MANBA: variants seen among roughly 807,000 people sequenced by gnomAD.
MANBA encodes mannosidase beta, also known as beta-mannosidase.
MANBA carries 83 observed loss-of-function variants against 111.1 expected under a neutral mutation model. The ratio of observed to expected loss-of-function variants is 0.75; its 90% CI spans 0.63 to 0.90. The LOEUF (loss-of-function observed/expected upper bound fraction) is 0.90. Among genes scored for constraint, MANBA ranks in the 40% least tolerant of loss-of-function variants. MANBA has a pLI of 0.00. For missense variants in MANBA, 1,036 were observed against 1,069.0 expected (o/e 0.97, Z 0.43); for synonymous variants, 370 against 378.7 (o/e 0.98, Z 0.27).
At chr4:102,718,703 C>G (rs112438015) in intron 4 of MANBA, among the ~76,000 whole-genome samples, 2,236 of 152,256 alleles carry the variant, frequency 0.015, 26 homozygotes, top group African/African-American at 0.031. Context: ...AACCAGCCCC[C>G]AATATTTCAA....
At chr4:102,664,924 A>C in intron 10 of MANBA, 72 bp from the exon 11 acceptor site, 1 of 1,197,610 alleles carries the variant, frequency 8.3e-7, no homozygotes, top group Non-Finnish European at 1.2e-6. Context: ...AATTACTCAT[A>C]AAATTAAAGC....
At chr4:102,663,461 G>T (rs187605715) in intron 11 of MANBA, among the ~76,000 whole-genome samples, 2 of 152,094 alleles carry the variant, frequency 1.3e-5, no homozygotes, top group African/African-American at 2.4e-5. Flanking sequence ...TGAATAAAAA[G>T]ATTATAAAAT....
At chr4:102,730,645 G>C (rs946531153) in intron 1 of MANBA, 1 of 541,096 alleles carries the variant, frequency 1.8e-6, no homozygotes, top group African/African-American at 1.9e-5. Context: ...CTCCAGCTCA[G>C]TAGTCAGCTC....
chr4:102,755,093 C>T (rs985203714), intron 1 of MANBA, among the ~76,000 whole-genome samples: 2 of 152,170 alleles, frequency 1.3e-5, no homozygotes, highest in Non-Finnish European at 2.9e-5. Context: ...CTACCAATGA[C>T]TTTCTTCACA....
chr4:102,743,197 C>A (rs990935107), intron 1 of MANBA, among the ~76,000 whole-genome samples: 1 of 152,234 alleles, frequency 6.6e-6, no homozygotes, highest in South Asian at 2.1e-4. Flanking sequence ...GGTCCACCCA[C>A]GTACCTCTTC....
At chr4:102,724,840 G>C (rs1425507370) in intron 2 of MANBA, among the ~76,000 whole-genome samples, 1 of 152,126 alleles carries the variant, frequency 6.6e-6, no homozygotes, top group African/African-American at 2.4e-5. Flanking sequence ...ACTTAATGAA[G>C]AGAAGAATAA....
At chr4:102,709,222 G>A (rs1367231811) in intron 5 of MANBA, among the ~76,000 whole-genome samples, 2 of 146,948 alleles carry the variant, frequency 1.4e-5, no homozygotes, top group African/African-American at 2.5e-5. Flanking sequence ...GGCAGAAAAG[G>A]AAAGGAAAGG....
At chr4:102,693,038 T>C (rs1383375798) in intron 5 of MANBA, among the ~76,000 whole-genome samples, 1 of 152,194 alleles carries the variant, frequency 6.6e-6, no homozygotes, top group African/African-American at 2.4e-5. Flanking sequence ...GAAGTAAAAT[T>C]AATCCTGGAC....
chr4:102,652,332 T>G (rs1480474141), intron 12 of MANBA, among the ~76,000 whole-genome samples: 3 of 152,172 alleles, frequency 2.0e-5, no homozygotes, highest in Admixed American at 6.5e-5. Flanking sequence ...CATTGGAGTG[T>G]CCTTCCTCCT....
intron 16 of MANBA, 120 bp from the exon 17 acceptor site, chr4:102,632,401 G>A (rs1729426801): frequency 6.3e-6 from 5 of 788,790 alleles, no homozygotes; most frequent in South Asian, 6.1e-5. Context: ...CACAACTTTG[G>A]TTCTACAACT....
chr4:102,660,465 T>TA (rs554627607), intron 11 of MANBA, among the ~76,000 whole-genome samples: 48 of 152,070 alleles, frequency 3.2e-4, no homozygotes, highest in Non-Finnish European at 4.9e-4. Flanking sequence ...TTTTAAAATT[T>TA]AAAAAAAATT....
rs1732769775 is a variant in MANBA at position 102,697,414 on chromosome 4, G to A, written c.674-6643C>T. ...GTACATGTGCACAATGTGCAGGTTA[G>A]TTACATATGTATACATGTGCCATGC... On this transcript the variant is annotated intron_variant, in intron 5 of 16. Transcript: ENST00000647097. Among the ~76,000 whole-genome samples, 4 of 151,872 alleles carry A rather than the reference G, an allele frequency of 2.6e-5. No homozygotes were observed. In the South Asian group the frequency reaches 8.3e-4, roughly 32 times the overall value.
intron 1 of MANBA, among the ~76,000 whole-genome samples, chr4:102,742,927 T>TG (rs199760823): frequency 1 from 152,318 of 152,318 alleles, 76,159 homozygotes; most frequent in Non-Finnish European, 1. Context: ...CACTCAGCAG[T>TG]GCCGTGGCCA....
chr4:102,670,133 C>A (rs1445639280), intron 9 of MANBA, among the ~76,000 whole-genome samples: 2 of 131,506 alleles, frequency 1.5e-5, no homozygotes, highest in African/African-American at 3.1e-5. Context: ...CCAGCCTAGG[C>A]AACAGAGCCA....
intron 5 of MANBA, among the ~76,000 whole-genome samples, chr4:102,692,715 C>T (rs913696079): frequency 3.3e-5 from 5 of 151,978 alleles, no homozygotes; most frequent in African/African-American, 7.2e-5. Context: ...TTCTATGATT[C>T]GTGGCAAAGT....
At chr4:102,674,165 A>G in intron 7 of MANBA, 95 bp from the exon 8 acceptor site, 3 of 905,040 alleles carry the variant, frequency 3.3e-6, no homozygotes, top group Non-Finnish European at 3.5e-6. Flanking sequence ...AACTACATTC[A>G]GTAGTTTAAT....
At chr4:102,735,690 C>T (rs1312861505) in intron 1 of MANBA, among the ~76,000 whole-genome samples, 3 of 152,188 alleles carry the variant, frequency 2.0e-5, no homozygotes, top group Non-Finnish European at 2.9e-5. Context: ...CCTCTCATGA[C>T]TAAGGACCCA....
chr4:102,706,143 A>G (rs893638378), intron 5 of MANBA, among the ~76,000 whole-genome samples: 4 of 152,194 alleles, frequency 2.6e-5, no homozygotes, highest in Non-Finnish European at 5.9e-5. Context: ...CTGGAGGCCC[A>G]AGATTCATCA....
At chr4:102,731,909 T>C (rs1282535344) in intron 1 of MANBA, among the ~76,000 whole-genome samples, 1 of 151,754 alleles carries the variant, frequency 6.6e-6, no homozygotes, top group Non-Finnish European at 1.5e-5. Flanking sequence ...CCACTCTTTT[T>C]ACACTTTTTT....
Sources: allele counts gnomAD v4.1 joint callset (sites outside exome capture counted in the v4.1 genomes callset), GRCh38; gene constraint gnomAD v4.1.1; transcripts MANE v1.5; gene names NCBI Gene and HGNC (gene_info 2026-07-23, HGNC 2026-07-21).